The following REV1 variants were observed in gnomAD, a reference collection of about 807,000 sequenced individuals.
REV1 encodes translesion synthesis protein REV1.
In REV1, 42 loss-of-function variants were observed where a neutral mutation model predicts 137.4. The observed-to-expected ratio is 0.31, with a 90% CI of 0.24 to 0.40. The LOEUF (loss-of-function observed/expected upper bound fraction) is 0.40, where lower values mean the gene tolerates loss of function less well. REV1 is among the 10% of genes least tolerant of loss of function. The pLI is 1.00. For synonymous variants in REV1, 524 were observed against 519.2 expected (o/e 1.01, Z -0.12); for missense variants, 1,282 against 1,490.1 (o/e 0.86, Z 2.30).
chr2:99,471,836 C>A (rs1685448162), intron 1 of REV1, among the ~76,000 whole-genome samples: 1 of 138,070 alleles, frequency 7.2e-6, no homozygotes. Flanking sequence ...TATGGAAATG[C>A]AAATAGAAAC....
In REV1 at chr2:99,405,987, T is replaced by A; in HGVS notation, c.2734A>T (p.Lys912Ter). The change falls in exon 17 of 23, where the codon AAA becomes TAA. Residue 912 changes from lysine (K) to a stop codon, truncating the protein, a stop_gained. Transcript: ENST00000258428. LOFTEE classifies it high-confidence loss of function. Reference sequence around the variant, plus strand: ...ACAGGAGTATGTAGACCATTCCATTTCCCTGAAGACTCAGCCTTGTTAGTA... The same window carrying A: ...ACAGGAGTATGTAGACCATTCCATTACCCTGAAGACTCAGCCTTGTTAGTA... ...PDTNKAESSG[K>*]WNGLHTPVSV... 6.2e-7 allele frequency: 1 copy of A among 1,613,972 alleles called. No homozygotes were observed. Among genetic ancestry groups the A allele is most frequent in the Non-Finnish European group, 8.5e-7 (1 of 1,179,946 alleles).
intron 1 of REV1, among the ~76,000 whole-genome samples, chr2:99,471,775 T>C (rs984205137): frequency 2.7e-5 from 4 of 149,374 alleles, no homozygotes; most frequent in African/African-American, 7.4e-5. Flanking sequence ...CTAAAGAAGA[T>C]AGACAAATGG....
At chr2:99,468,191 A>AAAG (rs1553565560) in intron 1 of REV1, among the ~76,000 whole-genome samples, 1 of 151,950 alleles carries the variant, frequency 6.6e-6, no homozygotes, top group Non-Finnish European at 1.5e-5. Context: ...AAAAAAAAAA[A>AAAG]AAAGAAAGAA....
intron 1 of REV1, among the ~76,000 whole-genome samples, chr2:99,483,091 A>G (rs1686795153): frequency 1.3e-5 from 2 of 152,088 alleles, no homozygotes; most frequent in South Asian, 2.1e-4. Context: ...AAACATTTGT[A>G]AAGTTCAGAA....
intron 1 of REV1, among the ~76,000 whole-genome samples, chr2:99,468,463 T>C (rs1412172521): frequency 6.6e-6 from 1 of 152,234 alleles, no homozygotes; most frequent in Non-Finnish European, 1.5e-5. Context: ...AATTACAATG[T>C]GTCCTCTTGA....
intron 1 of REV1, among the ~76,000 whole-genome samples, chr2:99,465,965 G>A (rs901221789): frequency 1.5e-4 from 23 of 151,718 alleles, no homozygotes; most frequent in Admixed American, 1.1e-3. Flanking sequence ...TTTTTGAGAC[G>A]GAGTCTCGCT....
intron 11 of REV1, among the ~76,000 whole-genome samples, chr2:99,419,783 G>A (rs2104573657): frequency 6.6e-6 from 1 of 152,310 alleles, no homozygotes; most frequent in South Asian, 2.1e-4. Flanking sequence ...CCTGAGAAGG[G>A]GCAGGGATCT....
At chr2:99,425,137 G>A (rs1679175386) in intron 9 of REV1, among the ~76,000 whole-genome samples, 1 of 151,980 alleles carries the variant, frequency 6.6e-6, no homozygotes, top group Admixed American at 6.6e-5. Context: ...CTATATATAT[G>A]TTCAATAAAT....
At chr2:99,487,343 A>G (rs1687260543) in intron 1 of REV1, among the ~76,000 whole-genome samples, 1 of 60,280 alleles carries the variant, frequency 1.7e-5, no homozygotes, top group Non-Finnish European at 3.7e-5. Context: ...TCTGATTTAC[A>G]TTTTTAAAAA....
At chr2:99,451,953 A>T (rs951128395) in intron 3 of REV1, among the ~76,000 whole-genome samples, 2 of 147,724 alleles carry the variant, frequency 1.4e-5, no homozygotes, top group Admixed American at 6.7e-5. Flanking sequence ...CCTATTTTGA[A>T]TTTTTTTTTT....
chr2:99,404,326 C>CA, intron 18 of REV1, 118 bp downstream of exon 18: 1 of 764,924 alleles, frequency 1.3e-6, no homozygotes, highest in Non-Finnish European at 2.2e-6. Context: ...CTCCCCTCCC[C>CA]TCCCCAGTGG....
intron 9 of REV1, among the ~76,000 whole-genome samples, chr2:99,428,211 G>A (rs1222982802): frequency 6.6e-6 from 1 of 152,114 alleles, no homozygotes; most frequent in Non-Finnish European, 1.5e-5. Flanking sequence ...ATATTTCTGG[G>A]CTTCATCACA....
At chr2:99,429,195 T>C (rs189957084) in intron 9 of REV1, among the ~76,000 whole-genome samples, 1 of 152,170 alleles carries the variant, frequency 6.6e-6, no homozygotes, top group South Asian at 2.1e-4. Context: ...ACTATTCCAA[T>C]TATTTCAAAA....
intron 8 of REV1, among the ~76,000 whole-genome samples, chr2:99,433,178 AAAG>A (rs763665746): frequency 6.6e-6 from 1 of 152,202 alleles, no homozygotes; most frequent in African/African-American, 2.4e-5. Context: ...GAAAATACAA[AAAG>A]AAAAACCAAC....
At chr2:99,401,480 C>T (rs1190376589) in intron 22 of REV1, 128 bp from the exon 23 acceptor site, 1 of 564,866 alleles carries the variant, frequency 1.8e-6, no homozygotes, top group Non-Finnish European at 3.0e-6. Context: ...TGCGGTGTGG[C>T]TCATGCCTGT....
In REV1 at chr2:99,476,285, CA is replaced by C. The variant is rs368737028; in HGVS notation, c.-10-11301del. On this transcript the variant is annotated intron_variant, in intron 1 of 22. Coordinates refer to ENST00000258428, the MANE Select transcript of REV1 (RefSeq NM_016316.4). ...CCTTAGAACGTCCACCTTATGGGAGCAGTGACTCACGCCTGTAATCCCAACA... is the reference window on the plus strand; with the variant it reads ...CCTTAGAACGTCCACCTTATGGGAGCGTGACTCACGCCTGTAATCCCAACA... Among the ~76,000 whole-genome samples, 440 of 152,196 alleles carry C rather than the reference CA, an allele frequency of 2.9e-3. 1 individual carries two copies. Among genetic ancestry groups the C allele is most frequent in the African/African-American group, 0.01 (420 of 41,534 alleles).
chr2:99,465,251 C>T (rs1004208416), intron 1 of REV1, among the ~76,000 whole-genome samples: 6 of 152,156 alleles, frequency 3.9e-5, no homozygotes, highest in African/African-American at 1.2e-4. Flanking sequence ...CATTCCTGAG[C>T]ACCAATCCTA....
chr2:99,486,528 C>CA (rs36112989), intron 1 of REV1, among the ~76,000 whole-genome samples: 62,444 of 145,538 alleles, frequency 0.43, 13,396 homozygotes, highest in Admixed American at 0.58. Flanking sequence ...GACTCCATCT[C>CA]AAAAAAAAAA....
At position 99,406,386 on chromosome 2, in the gene REV1, A is replaced by C; in HGVS notation, c.2553T>G (p.Ser851=). The C allele has an allele frequency of 6.2e-7, 1 of 1,613,840 alleles. No homozygotes were observed. Among genetic ancestry groups the C allele is most frequent in the Non-Finnish European group, 8.5e-7 (1 of 1,179,792 alleles). The stretch of plus-strand genomic sequence containing the variant: ...TCTGAACTTGGAAGACATCACGGAC[A>C]GAGTATGACCCACTAGGAAAGTGGC... ...QSSHFPSGSY[S]VRDVFQVQKA... Residue 851 remains serine, a synonymous_variant, in exon 16 of 23, where the codon TCT becomes TCG. Transcript: ENST00000258428.
Sources: allele counts gnomAD v4.1 joint callset (sites outside exome capture counted in the v4.1 genomes callset), GRCh38; gene constraint gnomAD v4.1.1; transcripts MANE v1.5; gene names NCBI Gene and HGNC (gene_info 2026-07-23, HGNC 2026-07-21).